PCDHGA5: variants seen among roughly 807,000 people sequenced by gnomAD.
PCDHGA5 encodes protocadherin gamma subfamily A, 5, also known as protocadherin gamma-A5.
A neutral mutation model predicts 56.7 loss-of-function variants in PCDHGA5; 36 were observed. The ratio of observed to expected loss-of-function variants is 0.64; its 90% CI spans 0.49 to 0.84. The LOEUF (loss-of-function observed/expected upper bound fraction) is 0.84, where lower values mean the gene tolerates loss of function less well. Among genes scored for constraint, PCDHGA5 ranks in the 40% least tolerant of loss-of-function variants. The pLI, the probability that PCDHGA5 is intolerant of heterozygous loss-of-function variation, is 0.00. For synonymous variants in PCDHGA5, 563 were observed against 520.2 expected, an observed-to-expected ratio of 1.08 and a Z score of -1.12; for missense variants, 1,305 against 1,201.5, an observed-to-expected ratio of 1.09 and a Z score of -1.27.
At chr5:141,423,107 T>G (rs1590430250) in intron 1 of PCDHGA5, 1 of 1,613,696 alleles carries the variant, frequency 6.2e-7, no homozygotes, top group East Asian at 2.2e-5. Flanking sequence ...ACGGGCGAGG[T>G]GCGTACAGCG....
At chr5:141,394,686 G>A in intron 1 of PCDHGA5, 4 of 1,612,316 alleles carry the variant, frequency 2.5e-6, no homozygotes, top group Non-Finnish European at 3.4e-6. Context: ...GCACACGGGC[G>A]AGGTGCGCAC....
chr5:141,492,829 C>T (rs2099744241), intron 1 of PCDHGA5, among the ~76,000 whole-genome samples: 1 of 152,232 alleles, frequency 6.6e-6, no homozygotes, highest in Non-Finnish European at 1.5e-5. Context: ...CGGCCCCTTC[C>T]TCCCGCAGGA....
Position 141,485,790 on chromosome 5 carries a change from C to G in PCDHGA5, c.2422-9017C>G. 6.2e-7 allele frequency: 1 copy of G among 1,614,204 alleles called. No homozygotes were observed. The highest frequency in any genetic ancestry group is 8.5e-7 in the Non-Finnish European group (1 of 1,180,032). ...AAGCCTTTGGATCGAGAGAAGCAAT[C>G]GGACTACCGCCTGGTGCTGACTGCT... On this transcript the variant is annotated intron_variant, in intron 1 of 3. Transcript: ENST00000518069. This position sits in a 1 kb window ranked among gnomAD's most constrained non-coding sequence, Gnocchi z 5.7.
At chr5:141,424,547 T>A (rs1484479408) in intron 1 of PCDHGA5, 2 of 152,238 alleles carry the variant, frequency 1.3e-5, no homozygotes, top group African/African-American at 4.8e-5. Flanking sequence ...AACTTGATTT[T>A]GATTCAGTGC....
At chr5:141,427,774 G>A (rs760144039) in intron 1 of PCDHGA5, 1 of 1,420,908 alleles carries the variant, frequency 7.0e-7, no homozygotes, top group Non-Finnish European at 9.8e-7. Context: ...TTGGAGCTGC[G>A]GGCACTGTCG....
At chr5:141,415,653 G>T in intron 1 of PCDHGA5, 1 of 1,539,362 alleles carries the variant, frequency 6.5e-7, no homozygotes, top group Non-Finnish European at 8.8e-7. Context: ...AAAAAAAAAA[G>T]ATTGGTTTTT....
Position 141,511,030 on chromosome 5 carries a change from C to A in PCDHGA5, c.2653C>A (p.Gln885Lys). 9 of 1,614,224 alleles carry A rather than the reference C, an allele frequency of 5.6e-6. No individual in the cohort carries two copies. Among genetic ancestry groups the A allele is most frequent in the Non-Finnish European group, 7.6e-6 (9 of 1,180,032 alleles). Residue 885 changes from glutamine (Q) to lysine (K), a missense_variant, in exon 4 of 4, where the codon CAG (glutamine) becomes AAG (lysine). Transcript: ENST00000518069. ...SARYGPQFTLQHVPDYRQNVY... is the reference protein window; with the variant it reads ...SARYGPQFTLKHVPDYRQNVY... ...CCGCTACGGACCCCAGTTCACCCTGCAGCACGTGCCCGACTACCGCCAGAA... is the reference window on the plus strand; with the variant it reads ...CCGCTACGGACCCCAGTTCACCCTGAAGCACGTGCCCGACTACCGCCAGAA...
chr5:141,472,200 C>A (rs2099274166), intron 1 of PCDHGA5, among the ~76,000 whole-genome samples: 1 of 152,110 alleles, frequency 6.6e-6, no homozygotes, highest in Non-Finnish European at 1.5e-5. Flanking sequence ...ATCTTTTTGA[C>A]ACTAAGACCT....
At chr5:141,439,029 G>A (rs2098083069) in intron 1 of PCDHGA5, among the ~76,000 whole-genome samples, 1 of 151,510 alleles carries the variant, frequency 6.6e-6, no homozygotes, top group Non-Finnish European at 1.5e-5. Flanking sequence ...GAAAATAGAT[G>A]CCTCAGTTCA....
chr5:141,447,123 TTTTG>T (rs1327676720), intron 1 of PCDHGA5, among the ~76,000 whole-genome samples: 7 of 152,278 alleles, frequency 4.6e-5, no homozygotes, highest in African/African-American at 1.4e-4. Context: ...CCATGGATTT[TTTTG>T]TTTGTTTGTT....
rs1039645331 is a variant in PCDHGA5, at chr5:141,420,373, T to C, written c.2421+53622T>C. ...TTTAAGATTCTAGATAACTTCTTCA[T>C]AGAGTTCGCAAAATATAGGTCAAAT... is the stretch of plus-strand genomic sequence containing the variant. On this transcript the variant is annotated intron_variant, in intron 1 of 3. Coordinates refer to ENST00000518069, the MANE Select transcript of PCDHGA5 (RefSeq NM_018918.3). 21 of 1,337,592 alleles carry C rather than the reference T, an allele frequency of 1.6e-5. No homozygotes were observed. In the African/African-American group the frequency reaches 2.4e-4, roughly 15 times the overall value. The allele number at this position is 1,337,592 out of a possible 1,614,324, so 82.9% of individuals were successfully genotyped here. A position where few individuals can be genotyped will look rare whatever the true frequency, so the allele number is the denominator to read the frequency against.
At chr5:141,494,776 C>T in intron 1 of PCDHGA5, 31 bp from the exon 2 acceptor site, 1 of 1,614,100 alleles carries the variant, frequency 6.2e-7, no homozygotes, top group East Asian at 2.2e-5. Context: ...CTCACGGGTA[C>T]TCAGCCCCTT....
chr5:141,403,053 C>T (rs754618954), intron 1 of PCDHGA5: 2 of 1,614,076 alleles, frequency 1.2e-6, no homozygotes, highest in Non-Finnish European at 1.7e-6. Context: ...ATTCGCTACT[C>T]AGTGCCTGAA....
intron 1 of PCDHGA5, chr5:141,371,395 A>G (rs746973366): frequency 5.0e-6 from 8 of 1,614,026 alleles, no homozygotes; most frequent in Non-Finnish European, 5.9e-6. Flanking sequence ...TGTAAAGTAC[A>G]GATAGATATT....
At position 141,418,416 on chromosome 5, in the gene PCDHGA5, C is replaced by A. The variant is rs377542164; in HGVS notation, c.2421+51665C>A. On this transcript the variant is annotated intron_variant, in intron 1 of 3. Transcript: ENST00000518069. ...TTCTCATTGGTGGAGAAAGACAATC[C>A]TGATGGTGGCAAATATCCAGAATTA... The A allele has an allele frequency of 3.7e-6, 6 of 1,613,866 alleles. No individual in the cohort carries two copies. The African/African-American group carries it at 8.0e-5, about 22-fold the overall frequency.
intron 2 of PCDHGA5, among the ~76,000 whole-genome samples, chr5:141,501,821 G>A (rs910825533): frequency 1.3e-5 from 2 of 152,028 alleles, no homozygotes; most frequent in Non-Finnish European, 2.9e-5. Context: ...ATAATTGGCA[G>A]CCCACCCACC....
chr5:141,455,725 C>T (rs1001661569), intron 1 of PCDHGA5, among the ~76,000 whole-genome samples: 4 of 152,136 alleles, frequency 2.6e-5, no homozygotes, highest in South Asian at 2.1e-4. Context: ...TAATGGCCTG[C>T]ATTTGCATAT....
chr5:141,487,442 G>A lies in PCDHGA5; in HGVS notation c.2422-7365G>A, dbSNP rs749842864. 1 of 1,613,918 alleles carries A rather than the reference G, an allele frequency of 6.2e-7. No homozygotes were observed. Among genetic ancestry groups the A allele is most frequent in the Non-Finnish European group, 8.5e-7 (1 of 1,179,798 alleles). On this transcript the variant is annotated intron_variant, in intron 1 of 3. Coordinates refer to ENST00000518069, the MANE Select transcript of PCDHGA5 (RefSeq NM_018918.3). The surrounding 1 kb of genome is among the most constrained non-coding windows in gnomAD (Gnocchi z 5.0). ...GATCCTCCGAATCCAGCTAGGGTCA[G>A]ATGACCCTATCAAGTTTGTTGATGT...
intron 1 of PCDHGA5, chr5:141,439,898 C>T (rs1428014089): frequency 6.6e-6 from 1 of 152,344 alleles, no homozygotes; most frequent in African/African-American, 2.4e-5. Context: ...ACCAAGGCGA[C>T]TACTGCCTCC....
Sources: allele counts gnomAD v4.1 joint callset (sites outside exome capture counted in the v4.1 genomes callset), GRCh38; gene constraint gnomAD v4.1.1; non-coding constraint Gnocchi (gnomAD v3.1); transcripts MANE v1.5; gene names NCBI Gene and HGNC (gene_info 2026-07-23, HGNC 2026-07-21).